The following REEP1 variants were observed in gnomAD, a reference collection of about 807,000 sequenced individuals.
The protein encoded by REEP1 is receptor expression-enhancing protein 1.
REEP1 carries 22 observed loss-of-function variants against 40.3 expected under a neutral mutation model. The ratio of observed to expected loss-of-function variants is 0.55; its 90% CI spans 0.39 to 0.78. The LOEUF is 0.78. Ranked by LOEUF, REEP1 falls within the 30% of genes least tolerant of loss-of-function variation. The probability of loss-of-function intolerance (pLI) is 0.00; values close to 1 mark genes in which losing one functional copy is unlikely to be tolerated. For missense variants in REEP1, 280 were observed against 361.1 expected (o/e 0.78, Z 1.82); for synonymous variants, 116 against 139.2 (o/e 0.83, Z 1.17).
At chr2:86,228,316 C>T (rs888479610) in intron 6 of REEP1, among the ~76,000 whole-genome samples, 4 of 152,162 alleles carry the variant, frequency 2.6e-5, no homozygotes, top group African/African-American at 7.2e-5. Flanking sequence ...AGTGACCGTG[C>T]AGGGACAGTC....
At position 86,239,604 on chromosome 2, in the gene REEP1, C is replaced by A. The variant is rs548180057; in HGVS notation, c.418-6802G>T. On this transcript the variant is annotated intron_variant, in intron 5 of 8. Coordinates refer to ENST00000538924, the MANE Select transcript of REEP1 (RefSeq NM_001371279.1). The stretch of plus-strand genomic sequence containing the variant: ...GTGAGCCTCCACAGCCATACATGCG[C>A]CACATCCAAGCCAAGCAGGCTCCCA... 1.5e-3 allele frequency among the ~76,000 whole-genome samples: 230 copies of A among 152,354 alleles called. 1 individual carries two copies. The highest frequency in any genetic ancestry group is 2.9e-3 in the South Asian group (14 of 4,830).
intron 1 of REEP1, among the ~76,000 whole-genome samples, chr2:86,311,388 C>T (rs1679758751): frequency 6.6e-6 from 1 of 152,106 alleles, no homozygotes; most frequent in Non-Finnish European, 1.5e-5. Context: ...CCATAAATTT[C>T]CTAGCTTAAA....
At chr2:86,262,707 C>G (rs7576102) in intron 3 of REEP1, among the ~76,000 whole-genome samples, 132,769 of 152,242 alleles carry the variant, frequency 0.87, 58,333 homozygotes, top group East Asian at 0.96. Context: ...TTTCTCTGAT[C>G]ACACTTCACC....
intron 5 of REEP1, among the ~76,000 whole-genome samples, chr2:86,246,196 C>G (rs1371637343): frequency 6.6e-6 from 1 of 152,172 alleles, no homozygotes; most frequent in Non-Finnish European, 1.5e-5. Flanking sequence ...TAATGAATAG[C>G]TATGAGTGCA....
chr2:86,279,967 G>A (rs1046889047), intron 2 of REEP1: 2 of 456,284 alleles, frequency 4.4e-6, no homozygotes, highest in Admixed American at 4.7e-5. Context: ...AACCTTCTAG[G>A]GAAAATAGTG....
intron 3 of REEP1, among the ~76,000 whole-genome samples, chr2:86,259,577 G>A (rs1371695217): frequency 2.6e-5 from 4 of 151,652 alleles, no homozygotes; most frequent in East Asian, 3.9e-4. Context: ...TAGTAGAAAC[G>A]GGGTTTCACC....
intron 1 of REEP1, among the ~76,000 whole-genome samples, chr2:86,333,080 T>C (rs1240690467): frequency 2.0e-5 from 3 of 152,106 alleles, no homozygotes; most frequent in Admixed American, 6.5e-5. Flanking sequence ...TTTACCCAGC[T>C]CCCACAGTGT....
chr2:86,263,891 C>T (rs1676996870), intron 3 of REEP1, 74 bp downstream of exon 3: 2 of 1,121,238 alleles, frequency 1.8e-6, no homozygotes, highest in African/African-American at 3.1e-5. Context: ...CTGGGTTCAG[C>T]CCTTTCCCAC....
chr2:86,252,186 G>A, intron 4 of REEP1, 116 bp from the exon 5 acceptor site: 2 of 781,764 alleles, frequency 2.6e-6, no homozygotes, highest in South Asian at 1.4e-5. Flanking sequence ...TTCTTGCTGG[G>A]CCTGAAAAGC....
At chr2:86,298,511 T>C (rs1313948457) in intron 1 of REEP1, among the ~76,000 whole-genome samples, 6 of 152,224 alleles carry the variant, frequency 3.9e-5, no homozygotes, top group Non-Finnish European at 8.8e-5. Flanking sequence ...GAGAGCACCG[T>C]GTCGAGTTCT....
chr2:86,251,482 A>C, intron 5 of REEP1: 1 of 199,360 alleles, frequency 5.0e-6, no homozygotes, highest in Non-Finnish European at 1.0e-5. Context: ...CTGCTGGGCC[A>C]CATGATCGTG....
At chr2:86,234,527 AAAAG>A (rs754328683) in intron 5 of REEP1, among the ~76,000 whole-genome samples, 8 of 152,170 alleles carry the variant, frequency 5.3e-5, no homozygotes, top group Non-Finnish European at 1.0e-4. Flanking sequence ...CAAAAAAATA[AAAAG>A]AAAGAAAGAA....
chr2:86,269,468 G>A (rs60295664), intron 2 of REEP1, among the ~76,000 whole-genome samples: 10,217 of 152,022 alleles, frequency 0.067, 530 homozygotes, highest in African/African-American at 0.13. Context: ...ATTTTACTTC[G>A]GTTTGACAAA....
intron 1 of REEP1, among the ~76,000 whole-genome samples, chr2:86,330,481 T>G (rs1680718199): frequency 6.6e-6 from 1 of 151,434 alleles, no homozygotes; most frequent in African/African-American, 2.4e-5. Flanking sequence ...GGTCTCACTC[T>G]GTTGCTCAGG....
At chr2:86,296,576 G>T (rs1222002050) in intron 1 of REEP1, among the ~76,000 whole-genome samples, 1 of 152,222 alleles carries the variant, frequency 6.6e-6, no homozygotes, top group African/African-American at 2.4e-5. Flanking sequence ...ATTGTCTAAG[G>T]CCGGGCATAG....
rs1433490355 is a variant in REEP1, at chr2:86,264,002, T to C, written c.145A>G (p.Thr49Ala). The change falls in exon 3 of 9, where the codon ACC becomes GCC. Residue 49 changes from threonine to alanine, a missense_variant. By Grantham distance (58) the Thr-to-Ala change is moderately conservative. Transcript: ENST00000538924. ...MMYWIIFALF[T>A]TAETFTDIFL... ...ATGTCTGTGAATGTCTCTGCTGTGG[T>C]GAAAAGTGCAAATATAATCCAGTAC... 1 of 1,613,754 alleles carries C rather than the reference T, an allele frequency of 6.2e-7. No individual in the cohort carries two copies. The highest frequency in any genetic ancestry group is 8.5e-7 in the Non-Finnish European group (1 of 1,179,700).
intron 5 of REEP1, among the ~76,000 whole-genome samples, chr2:86,244,519 T>C (rs1019271659): frequency 3.9e-4 from 59 of 152,296 alleles, no homozygotes; most frequent in Admixed American, 1.0e-3. Flanking sequence ...TGCCTGAGTT[T>C]TAGAGAGCAA....
In REEP1 at chr2:86,316,474, G is replaced by C. The variant is rs573674796; in HGVS notation, c.32+21005C>G. Among the ~76,000 whole-genome samples, 14 of 147,912 alleles carry C rather than the reference G, an allele frequency of 9.5e-5. No individual in the cohort carries two copies. The East Asian group carries it at 2.2e-3, about 23-fold the overall frequency. On this transcript the variant is annotated intron_variant, in intron 1 of 8. Coordinates refer to ENST00000538924, the MANE Select transcript of REEP1 (RefSeq NM_001371279.1). Reference sequence around the variant, plus strand: ...GAGGTAGGAGAATCACTTGAACCTGGCAGGCAGAGGTTGCAGTGAGCCGAG... The same window carrying C: ...GAGGTAGGAGAATCACTTGAACCTGCCAGGCAGAGGTTGCAGTGAGCCGAG...
At chr2:86,242,768 G>A (rs1675731944) in intron 5 of REEP1, among the ~76,000 whole-genome samples, 1 of 152,156 alleles carries the variant, frequency 6.6e-6, no homozygotes, top group Non-Finnish European at 1.5e-5. Context: ...CAGGAAGGGA[G>A]AGAGCAGTCG....
Sources: gnomAD v4.1 joint callset for allele counts (sites outside exome capture counted in the v4.1 genomes callset) on GRCh38, gnomAD v4.1.1 for gene constraint, MANE v1.5 for transcripts, NCBI Gene and HGNC (gene_info 2026-07-23, HGNC 2026-07-21) for gene names.